The following AKR1E2 variants were observed in gnomAD, a reference collection of about 807,000 sequenced individuals.
AKR1E2 encodes aldo-keto reductase family 1 member E2, also known as 1,5-anhydro-D-fructose reductase.
A neutral mutation model predicts 41.9 loss-of-function variants in AKR1E2; 43 were observed. The observed-to-expected ratio is 1.03, with a 90% CI of 0.80 to 1.32. AKR1E2 has a LOEUF of 1.32. Among genes scored for constraint, AKR1E2 ranks in the 40% most tolerant of loss-of-function variants. The probability of loss-of-function intolerance (pLI) is 0.00; values close to 1 mark genes in which losing one functional copy is unlikely to be tolerated. For missense variants in AKR1E2, 423 were observed against 396.5 expected (o/e 1.07, Z -0.57); for synonymous variants, 121 against 138.9 (o/e 0.87, Z 0.91).
chr10:4,866,380 C>CA, the AKR1E2 span, among the ~76,000 whole-genome samples: 1 of 152,068 alleles, frequency 6.6e-6, no homozygotes, highest in Non-Finnish European at 1.5e-5. Context: ...CAGGAAGTTG[C>CA]AAAAAATAAT....
chr10:4,845,909 C>G (rs1049042896), intron 8 of AKR1E2: 14 of 463,422 alleles, frequency 3.0e-5, no homozygotes, highest in Middle Eastern at 6.5e-4. Flanking sequence ...TAGGAGGGGC[C>G]GGAGGAAGTG....
At chr10:4,847,025 T>C in intron 8 of AKR1E2, 123 bp from the exon 9 acceptor site, 3 of 1,040,714 alleles carry the variant, frequency 2.9e-6, no homozygotes, top group South Asian at 1.6e-5. Context: ...AAGTGTCTGA[T>C]GAAGTGTTTG....
At position 4,847,135 on chromosome 10, in the gene AKR1E2, G is replaced by A; in HGVS notation, c.838-13G>A. The A allele has an allele frequency of 1.2e-6, 2 of 1,613,818 alleles. No homozygotes were observed. On this transcript the variant is annotated splice_polypyrimidine_tract_variant and intron_variant, in intron 8 of 9. Coordinates refer to ENST00000298375, the MANE Select transcript of AKR1E2 (RefSeq NM_001040177.3). Reference sequence around the variant, plus strand: ...AAACTAAGTTTTCTACAAACATTGTGTTTTGGTTCCAGGTGTTTGATTTTG... The same window carrying A: ...AAACTAAGTTTTCTACAAACATTGTATTTTGGTTCCAGGTGTTTGATTTTG...
At chr10:4,845,097 G>A (rs903111228) in intron 8 of AKR1E2, among the ~76,000 whole-genome samples, 4 of 152,180 alleles carry the variant, frequency 2.6e-5, no homozygotes, top group Admixed American at 6.5e-5. Context: ...GAAATGGAGC[G>A]CAGCGCCGGT....
Position 4,842,494 on chromosome 10 carries a change from A to G in AKR1E2, c.827A>G (p.Glu276Gly), listed in dbSNP as rs950252366. 2 of 1,613,946 alleles carry G rather than the reference A, an allele frequency of 1.2e-6. No individual in the cohort carries two copies. Among genetic ancestry groups the G allele is most frequent in the African/African-American group, 2.7e-5 (2 of 75,036 alleles). The stretch of plus-strand genomic sequence containing the variant: ...TCTATCACCCCAAGTCACATTAAAG[A>G]GAATATCCAGGTAGGTGTATTCCTT... ...PGSITPSHIK[E>G]NIQVFDFELT... Residue 276 changes from glutamate to glycine, a missense_variant, in exon 8 of 10, where the codon GAG becomes GGG. Physicochemically the swap from Glu to Gly is moderately conservative, Grantham distance 98. Coordinates refer to ENST00000298375, the MANE Select transcript of AKR1E2 (RefSeq NM_001040177.3).
At chr10:4,835,012 T>C (rs755248093) in intron 3 of AKR1E2, among the ~76,000 whole-genome samples, 1 of 152,240 alleles carries the variant, frequency 6.6e-6, no homozygotes, top group Non-Finnish European at 1.5e-5. Flanking sequence ...GCCTCTTTCA[T>C]GTGTATCAGG....
chr10:4,842,018 C>G (rs1833928021), intron 7 of AKR1E2, among the ~76,000 whole-genome samples, 161 bp downstream of exon 7: 1 of 152,152 alleles, frequency 6.6e-6, no homozygotes, highest in African/African-American at 2.4e-5. Context: ...TGGTCTGCAG[C>G]CGCATTTCTA....
rs774000320 is a variant in AKR1E2, at chr10:4,847,879, T to C, written c.*349T>C. ...AACAGTGTAATGTGTCTCTGCCCCA[T>C]TGCGCAGCTCCACCCATTGTGCCCC... On this transcript the variant is annotated 3_prime_UTR_variant, in exon 10 of 10. Coordinates refer to ENST00000298375, the MANE Select transcript of AKR1E2 (RefSeq NM_001040177.3). 4.3e-6 allele frequency: 1 copy of C among 232,052 alleles called. No individual in the cohort carries two copies. Among genetic ancestry groups the C allele is most frequent in the Admixed American group, 5.3e-5 (1 of 18,848 alleles). The allele number at this position is 232,052 out of a possible 1,614,324, so 14.4% of individuals were successfully genotyped here.
Position 4,826,230 on chromosome 10 carries a change from C to A in AKR1E2, c.-95C>A, listed in dbSNP as rs935495129. ...CCGTCACAAGGCACTTCCAGCCAGTCGCAACGGCGGGTCGCCAGCGCCGCA... is the reference window on the plus strand; with the variant it reads ...CCGTCACAAGGCACTTCCAGCCAGTAGCAACGGCGGGTCGCCAGCGCCGCA... On this transcript the variant is annotated 5_prime_UTR_variant, in exon 1 of 10. Transcript: ENST00000298375. 1 of 1,029,090 alleles carries A rather than the reference C, an allele frequency of 9.7e-7. No homozygotes were observed. Among genetic ancestry groups the A allele is most frequent in the South Asian group, 4.9e-5 (1 of 20,438 alleles). 63.7% of individuals were successfully genotyped at this position (1,029,090 alleles called of 1,614,324 possible).
chr10:4,857,568 C>G, the AKR1E2 span, among the ~76,000 whole-genome samples: 1 of 152,184 alleles, frequency 6.6e-6, no homozygotes, highest in African/African-American at 2.4e-5. Context: ...CCAGTTAAAC[C>G]TCTTTTCTTT....
intron 5 of AKR1E2, among the ~76,000 whole-genome samples, chr10:4,838,207 G>A (rs79561305): frequency 0.035 from 5,311 of 152,288 alleles, 150 homozygotes; most frequent in East Asian, 0.11. Flanking sequence ...TAAACAGCAC[G>A]TCCAGTGCCC....
chr10:4,867,078 G>A, the AKR1E2 span, among the ~76,000 whole-genome samples: 3 of 152,116 alleles, frequency 2.0e-5, no homozygotes. Context: ...GGTCTGCTGT[G>A]GGAAAGGGCT....
chr10:4,828,794 T>C (rs1345416816), intron 1 of AKR1E2, among the ~76,000 whole-genome samples: 1 of 152,236 alleles, frequency 6.6e-6, no homozygotes, highest in Non-Finnish European at 1.5e-5. Flanking sequence ...AATATATGTC[T>C]TTTGTTGGAA....
chr10:4,835,749 G>T lies in AKR1E2; in HGVS notation c.399G>T (p.Leu133Phe), dbSNP rs770991583. Residue 133 changes from leucine to phenylalanine, a missense_variant, in exon 4 of 10, where the codon TTG becomes TTT. Physicochemically the swap from Leu to Phe is conservative, Grantham distance 22 (BLOSUM62 0). Coordinates refer to ENST00000298375, the MANE Select transcript of AKR1E2 (RefSeq NM_001040177.3). ...FCLSHPRVQDLPLDESNMVIP... is the reference protein window; with the variant it reads ...FCLSHPRVQDFPLDESNMVIP... ...TCTCACATCCTCGAGTGCAGGACTTGCCTCTGGACGAGAGCAACATGGTTA... is the reference window on the plus strand; with the variant it reads ...TCTCACATCCTCGAGTGCAGGACTTTCCTCTGGACGAGAGCAACATGGTTA... 6.2e-7 allele frequency: 1 copy of T among 1,614,152 alleles called. No individual in the cohort carries two copies. Among genetic ancestry groups the T allele is most frequent in the Non-Finnish European group, 8.5e-7 (1 of 1,180,034 alleles).
intron 3 of AKR1E2, among the ~76,000 whole-genome samples, chr10:4,835,388 T>C (rs530990322): frequency 5.5e-4 from 84 of 152,302 alleles, no homozygotes; most frequent in African/African-American, 1.9e-3. Flanking sequence ...AACTATTTTC[T>C]GGAGGCAATG....
At position 4,835,734 on chromosome 10, in the gene AKR1E2, T is replaced by G. The variant is rs779481085; in HGVS notation, c.384T>G (p.Pro128=). 6 of 1,614,200 alleles carry G rather than the reference T, an allele frequency of 3.7e-6. No homozygotes were observed. Among genetic ancestry groups the G allele is most frequent in the Non-Finnish European group, 5.1e-6 (6 of 1,180,048 alleles). Reference sequence around the variant, plus strand: ...AACTTTCCTTCTGCCTCTCACATCCTCGAGTGCAGGACTTGCCTCTGGACG... The same window carrying G: ...AACTTTCCTTCTGCCTCTCACATCCGCGAGTGCAGGACTTGCCTCTGGACG... ...CSELSFCLSH[P]RVQDLPLDES... Residue 128 remains proline, a synonymous_variant, in exon 4 of 10, where the codon CCT becomes CCG. Transcript: ENST00000298375.
At position 4,847,657 on chromosome 10, in the gene AKR1E2, G is replaced by C; in HGVS notation, c.*127G>C. On this transcript the variant is annotated 3_prime_UTR_variant, in exon 10 of 10. Transcript: ENST00000298375. ...GGACAGGAGCCACACAGTCAGAGGG[G>C]GATGTAAGAGCCACCTTCTCTGACA... 9.3e-7 allele frequency: 1 copy of C among 1,073,428 alleles called. No homozygotes were observed. The highest frequency in any genetic ancestry group is 1.4e-6 in the Non-Finnish European group (1 of 724,636). 66.5% of individuals were successfully genotyped at this position (1,073,428 alleles called of 1,614,324 possible).
chr10:4,868,026 C>T, the AKR1E2 span, among the ~76,000 whole-genome samples: 2 of 152,046 alleles, frequency 1.3e-5, no homozygotes, highest in Admixed American at 6.6e-5. Flanking sequence ...GAGACTGGAT[C>T]GTTGGGGGTT....
intron 5 of AKR1E2, among the ~76,000 whole-genome samples, chr10:4,838,496 T>C (rs12572449): frequency 0.035 from 5,393 of 152,334 alleles, 167 homozygotes; most frequent in East Asian, 0.13. Flanking sequence ...TAGAGCATCA[T>C]GTTCTATTTT....
Sources: allele counts gnomAD v4.1 joint callset (sites outside exome capture counted in the v4.1 genomes callset), GRCh38; gene constraint gnomAD v4.1.1; transcripts MANE v1.5; gene names NCBI Gene and HGNC (gene_info 2026-07-23, HGNC 2026-07-21).